Variants in MDN1 observed in about 807,000 individuals in gnomAD.
MDN1 encodes the protein midasin AAA ATPase 1.
A neutral mutation model predicts 669.2 loss-of-function variants in MDN1; 266 were observed. The ratio of observed to expected loss-of-function variants is 0.40; its 90% CI spans 0.36 to 0.44. The LOEUF (loss-of-function observed/expected upper bound fraction) is 0.44, where lower values mean the gene tolerates loss of function less well. Among genes scored for constraint, MDN1 ranks in the 20% least tolerant of loss-of-function variants. The pLI is 1.00. For missense variants in MDN1, 5,940 were observed against 6,754.0 expected, an observed-to-expected ratio of 0.88 and a Z score of 4.22; for synonymous variants, 2,385 against 2,457.1, an observed-to-expected ratio of 0.97 and a Z score of 0.87.
rs1814202817 is a variant in MDN1, at chr6:89,714,662, T to A, written c.6950A>T (p.Asp2317Val). 6.2e-7 allele frequency: 1 copy of A among 1,613,952 alleles called. No individual in the cohort carries two copies. Among genetic ancestry groups the A allele is most frequent in the Non-Finnish European group, 8.5e-7 (1 of 1,179,830 alleles). ...ATCCAGGTTGTCTGGGGTGCTTGCATCCCCTTCCCCTGAAATGTAGATTTC... is the reference window on the plus strand; with the variant it reads ...ATCCAGGTTGTCTGGGGTGCTTGCAACCCCTTCCCCTGAAATGTAGATTTC... The part of the protein sequence containing the change: ...GLEIYISGEG[D>V]ASTPDNLDLK... The change falls in exon 46 of 102, where the codon GAT becomes GTT. Residue 2317 changes from aspartate (D) to valine (V), a missense_variant. Transcript: ENST00000369393.
chr6:89,776,533 CAGCA>C (rs1004847176), intron 12 of MDN1, 63 bp downstream of exon 12: 20 of 1,238,532 alleles, frequency 1.6e-5, no homozygotes, highest in South Asian at 4.1e-5. Context: ...GACTAGAGAC[CAGCA>C]AGCAAGCAAG....
intron 5 of MDN1, among the ~76,000 whole-genome samples, chr6:89,792,991 A>G (rs73752807): frequency 0.017 from 2,558 of 152,274 alleles, 67 homozygotes; most frequent in African/African-American, 0.058. Context: ...CTGCACTTGC[A>G]CTACAGCCTG....
At chr6:89,784,952 C>G in intron 9 of MDN1, 60 bp downstream of exon 9, 1 of 1,111,628 alleles carries the variant, frequency 9.0e-7, no homozygotes, top group East Asian at 2.4e-5. Context: ...ATACTATTTC[C>G]TATTTCACGC....
chr6:89,662,029 C>T lies in MDN1; in HGVS notation c.14565+58G>A, dbSNP rs145429374. 416 of 1,554,470 alleles carry T rather than the reference C, an allele frequency of 2.7e-4. 1 individual carries two copies. The African/African-American group carries it at 5.1e-3, about 19-fold the overall frequency. On this transcript the variant is annotated intron_variant, in intron 87 of 101. Transcript: ENST00000369393. ...ATCTTGAGACACCTTGAGAACTATACAGCTCAAGAGCTCTGGCCTTGAGTC... is the reference window on the plus strand; with the variant it reads ...ATCTTGAGACACCTTGAGAACTATATAGCTCAAGAGCTCTGGCCTTGAGTC...
At chr6:89,749,170 A>C in intron 26 of MDN1, 53 bp downstream of exon 26, 1 of 1,485,656 alleles carries the variant, frequency 6.7e-7, no homozygotes, top group Non-Finnish European at 9.1e-7. Flanking sequence ...AAAAGAAGCC[A>C]TGAAATTTTG....
chr6:89,734,690 CAA>C lies in MDN1; in HGVS notation c.4724-1917_4724-1916del, dbSNP rs1491131109. 5.6e-3 allele frequency among the ~76,000 whole-genome samples: 628 copies of C among 112,850 alleles called. 11 individuals are homozygous for C. Among genetic ancestry groups the C allele is most frequent in the Middle Eastern group, 0.017 (3 of 176 alleles). The allele number at this position is 112,850 out of a possible 152,430, so 74.0% of individuals were successfully genotyped here. A position where few individuals can be genotyped will look rare whatever the true frequency, so the allele number is the denominator to read the frequency against. Reference sequence around the variant, plus strand: ...AAGAAGAAAAAAAAAAAAAAAAAAACAAGAGAGAGAGAGAGAGAGAGAGAGAA... The same window carrying C: ...AAGAAGAAAAAAAAAAAAAAAAAAACGAGAGAGAGAGAGAGAGAGAGAGAA... On this transcript the variant is annotated intron_variant, in intron 33 of 101. Transcript: ENST00000369393.
At position 89,700,850 on chromosome 6, in the gene MDN1, G is replaced by A. The variant is rs780263005; in HGVS notation, c.8434C>T (p.Leu2812=). ...AGTTGTGAAAAACACTCCACCACCAGCTTGTCCTGAAACAACAACACCCAC... is the reference window on the plus strand; with the variant it reads ...AGTTGTGAAAAACACTCCACCACCAACTTGTCCTGAAACAACAACACCCAC... The part of the protein sequence containing the change: ...LGRPFPFKDK[L]VVECFSQLKV... Residue 2812 remains leucine (L), a synonymous_variant, in exon 56 of 102, where the codon CTG becomes TTG. Transcript: ENST00000369393. 5.0e-6 allele frequency: 8 copies of A among 1,613,894 alleles called. No homozygotes were observed. The highest frequency in any genetic ancestry group is 5.9e-6 in the Non-Finnish European group (7 of 1,179,902).
At chr6:89,807,695 T>C (rs1014180691) in intron 1 of MDN1, among the ~76,000 whole-genome samples, 1 of 152,218 alleles carries the variant, frequency 6.6e-6, no homozygotes, top group African/African-American at 2.4e-5. Context: ...GTAATTCCAA[T>C]TACACATACA....
Position 89,643,977 on chromosome 6 carries a change from A to C in MDN1, c.*28T>G. 1 of 1,555,442 alleles carries C rather than the reference A, an allele frequency of 6.4e-7. No homozygotes were observed. Among genetic ancestry groups the C allele is most frequent in the Non-Finnish European group, 8.7e-7 (1 of 1,149,778 alleles). ...CAATGTGACCTTCTGACCACAGTTA[A>C]GTCTCACTTTGGACTCTTCTTTCTG... On this transcript the variant is annotated 3_prime_UTR_variant, in exon 102 of 102. Transcript: ENST00000369393.
rs143660560 is a variant in MDN1 at position 89,747,466 on chromosome 6, T to C, written c.3767A>G (p.Tyr1256Cys). Residue 1256 changes from tyrosine to cysteine, a missense_variant, in exon 27 of 102, where the codon TAT becomes TGT. Physicochemically the swap from Tyr to Cys is radical, Grantham distance 194. This residue lies in a region of MDN1 where 2,292 missense variants were observed against 2,638.3 expected (regional missense o/e 0.87). Coordinates refer to ENST00000369393, the MANE Select transcript of MDN1 (RefSeq NM_014611.3). Reference sequence around the variant, plus strand: ...AGCAAACACTGAAGAACTTCTGCGATAGGACTGTTGAAGTATCAAAACAAA... The same window carrying C: ...AGCAAACACTGAAGAACTTCTGCGACAGGACTGTTGAAGTATCAAAACAAA... ...LVKVMLDLQS[Y>C]RRSSSVFAGK... 203 of 1,613,418 alleles carry C rather than the reference T, an allele frequency of 1.3e-4. 1 individual carries two copies. In the African/African-American group the frequency reaches 2.4e-3, roughly 19 times the overall value.
chr6:89,779,793 C>T lies in MDN1; in HGVS notation c.1725+419G>A, dbSNP rs556237101. 2.0e-3 allele frequency among the ~76,000 whole-genome samples: 303 copies of T among 152,238 alleles called. 2 individuals carry two copies. Among genetic ancestry groups the T allele is most frequent in the African/African-American group, 6.9e-3 (288 of 41,552 alleles). On this transcript the variant is annotated intron_variant, in intron 11 of 101. Transcript: ENST00000369393. The stretch of plus-strand genomic sequence containing the variant: ...TAAGAATAACAAACCAGGCCGGGTG[C>T]GGTGGCTCACGCCTGTAATCCCAGC...
intron 93 of MDN1, among the ~76,000 whole-genome samples, chr6:89,653,391 A>G (rs1047248833): frequency 6.6e-6 from 1 of 152,214 alleles, no homozygotes; most frequent in African/African-American, 2.4e-5. Flanking sequence ...TTGGAAAGGG[A>G]AATAGGGGAA....
intron 2 of MDN1, among the ~76,000 whole-genome samples, chr6:89,796,755 G>C (rs1392599785): frequency 6.6e-6 from 1 of 151,722 alleles, no homozygotes; most frequent in Admixed American, 6.6e-5. Context: ...GCATGCATTA[G>C]ATGTTTGTTT....
chr6:89,800,217 C>T (rs1220309241), intron 2 of MDN1, among the ~76,000 whole-genome samples: 1 of 152,078 alleles, frequency 6.6e-6, no homozygotes, highest in Admixed American at 6.6e-5. Flanking sequence ...CACCTGAGAT[C>T]GGGAGTTCGA....
chr6:89,774,556 G>A, intron 13 of MDN1, 65 bp downstream of exon 13: 1 of 1,183,338 alleles, frequency 8.5e-7, no homozygotes, highest in East Asian at 2.4e-5. Flanking sequence ...AAGAGGCTGA[G>A]CTAGACCTTC....
chr6:89,651,010 T>TGA (rs1214335906), intron 95 of MDN1, among the ~76,000 whole-genome samples, 163 bp from the exon 96 acceptor site: 1 of 152,156 alleles, frequency 6.6e-6, no homozygotes, highest in Non-Finnish European at 1.5e-5. Flanking sequence ...GTAATTTACT[T>TGA]GATTAAAAAT....
At chr6:89,730,608 TA>T in intron 35 of MDN1, 117 bp downstream of exon 35, 1 of 762,232 alleles carries the variant, frequency 1.3e-6, no homozygotes, top group Non-Finnish European at 2.1e-6. Flanking sequence ...AGTCAGAATC[TA>T]ACTCAGTTAG....
intron 20 of MDN1, among the ~76,000 whole-genome samples, 197 bp downstream of exon 20, chr6:89,756,080 T>C (rs1177013635): frequency 6.6e-6 from 1 of 152,256 alleles, no homozygotes; most frequent in Non-Finnish European, 1.5e-5. Context: ...GATTCATAGC[T>C]TTCTATGTAA....
At chr6:89,740,158 T>C in intron 32 of MDN1, 76 bp downstream of exon 32, 1 of 1,502,794 alleles carries the variant, frequency 6.7e-7, no homozygotes. Context: ...AAATCCATTA[T>C]TACATACTAT....
Sources: allele counts gnomAD v4.1 joint callset (sites outside exome capture counted in the v4.1 genomes callset), GRCh38; gene constraint gnomAD v4.1.1; regional missense constraint gnomAD v4.1.1; transcripts MANE v1.5; gene names NCBI Gene and HGNC (gene_info 2026-07-23, HGNC 2026-07-21).